Variants in LHX3 observed in about 807,000 individuals in gnomAD.
The protein encoded by LHX3 is LIM/homeobox protein Lhx3.
In LHX3, 21 loss-of-function variants were observed where a neutral mutation model predicts 32.4. The observed-to-expected ratio is 0.65, with a 90% CI of 0.46 to 0.93. The LOEUF is 0.93. LHX3 is among the 40% of genes least tolerant of loss of function. The pLI is 0.00. For synonymous variants in LHX3, 258 were observed against 246.8 expected (o/e 1.05, Z -0.43); for missense variants, 626 against 560.0 (o/e 1.12, Z -1.19).
intron 3 of LHX3, 72 bp downstream of exon 3, chr9:136,199,606 C>T (rs1362023618): frequency 1.3e-6 from 2 of 1,511,362 alleles, no homozygotes; most frequent in Non-Finnish European, 1.8e-6. Context: ...TCCCCGGACG[C>T]CCCCCTGGGC....
At chr9:136,199,651 G>A in intron 3 of LHX3, 27 bp downstream of exon 3, 16 of 1,610,638 alleles carry the variant, frequency 9.9e-6, no homozygotes, top group Non-Finnish European at 1.1e-5. Context: ...GACCAGGAAA[G>A]GTGGGAGCGT....
rs536168219 is a variant in LHX3, at chr9:136,197,122, G to C, written c.*203C>G. On this transcript the variant is annotated 3_prime_UTR_variant, in exon 6 of 6. Transcript: ENST00000371748. ...CTGGCTTGCTGGGAGGCCACCTGGC[G>C]GGCCAGCCCTGTGTCAGAGGAGGGG... is the stretch of plus-strand genomic sequence containing the variant. 1 of 603,700 alleles carries C rather than the reference G, an allele frequency of 1.7e-6. No homozygotes were observed. The highest frequency in any genetic ancestry group is 2.0e-5 in the South Asian group (1 of 49,728). The allele number at this position is 603,700 out of a possible 1,614,324, so 37.4% of individuals were successfully genotyped here.
Position 136,199,843 on chromosome 9 carries a change from T to C in LHX3, c.289A>G (p.Ile97Val). The change falls in exon 3 of 6, where the codon ATC (isoleucine) becomes GTC (valine). Residue 97 changes from isoleucine to valine, a missense_variant. Coordinates refer to ENST00000371748, the MANE Select transcript of LHX3 (RefSeq NM_178138.6). ...CGGCGCACCACCTGCGTGGGCGGGATGCCCAGCTGGCACGCGGCGCACTTG... is the reference window on the plus strand; with the variant it reads ...CGGCGCACCACCTGCGTGGGCGGGACGCCCAGCTGGCACGCGGCGCACTTG... Reference protein sequence around the residue: ...GTKCAACQLGIPPTQVVRRAQ... With the variant: ...GTKCAACQLGVPPTQVVRRAQ... 2 of 1,607,478 alleles carry C rather than the reference T, an allele frequency of 1.2e-6. No individual in the cohort carries two copies. The highest frequency in any genetic ancestry group is 8.5e-7 in the Non-Finnish European group (1 of 1,177,304).
At chr9:136,202,894 G>A (rs11103376) in intron 1 of LHX3, 10 of 1,519,414 alleles carry the variant, frequency 6.6e-6, no homozygotes, top group Non-Finnish European at 8.8e-6. Context: ...GCCCGGAAAG[G>A]CCTGAGGATC....
At position 136,199,111 on chromosome 9, in the gene LHX3, A is replaced by C. The variant is rs751030038; in HGVS notation, c.455-52T>G. 16 of 1,167,528 alleles carry C rather than the reference A, an allele frequency of 1.4e-5. No individual in the cohort carries two copies. In the Admixed American group the frequency reaches 6.9e-4, roughly 51 times the overall value. 72.3% of individuals were successfully genotyped at this position (1,167,528 alleles called of 1,614,324 possible). On this transcript the variant is annotated intron_variant, in intron 3 of 5. Transcript: ENST00000371748. ...CGGCAGCCCCTCCGGCCCCGGCCGG[A>C]CCCCCAGCCCTCCCACCCCGGCCGG...
Position 136,203,046 on chromosome 9 carries a change from C to T in LHX3, c.79+1888G>A, listed in dbSNP as rs1188545118. 31 of 1,517,252 alleles carry T rather than the reference C, an allele frequency of 2.0e-5. No homozygotes were observed. Among genetic ancestry groups the T allele is most frequent in the Non-Finnish European group, 2.5e-5 (28 of 1,139,710 alleles). The allele number at this position is 1,517,252 out of a possible 1,614,324, so 94.0% of individuals were successfully genotyped here. ...GCTCCCCGCGCGCCTCCATGGGTCC[C>T]GCCGCCCGGCGTCGCCACTCTCCAG... On this transcript the variant is annotated intron_variant, in intron 1 of 5. Transcript: ENST00000371748.
intron 5 of LHX3, 101 bp downstream of exon 5, chr9:136,198,551 C>A (rs959735247): frequency 7.5e-7 from 1 of 1,330,668 alleles, no homozygotes; most frequent in Non-Finnish European, 1.0e-6. Context: ...AAGGAGTCCA[C>A]TAACTCCATG....
rs1369303572 is a variant in LHX3 at position 136,198,724 on chromosome 9, G to A, written c.703C>T (p.Arg235Cys). Reference protein sequence around the residue: ...GQYFRNMKRSRGGSKSDKDSV... With the variant: ...GQYFRNMKRSCGGSKSDKDSV... ...TCCTTGTCCGACTTGGAGCCGCCGC[G>A]GGAGCGCTTCATGTTGCGGAAATAC... Residue 235 changes from arginine (R) to cysteine (C), a missense_variant, in exon 5 of 6, where the codon CGC becomes TGC. Transcript: ENST00000371748. The A allele has an allele frequency of 6.2e-7, 1 of 1,611,526 alleles. No homozygotes were observed. Among genetic ancestry groups the A allele is most frequent in the Admixed American group, 1.7e-5 (1 of 59,986 alleles).
At position 136,196,884 on chromosome 9, in the gene LHX3, G is replaced by T. The variant is rs1396712285; in HGVS notation, c.*441C>A. 1.0e-5 allele frequency: 2 copies of T among 192,200 alleles called. No individual in the cohort carries two copies. The highest frequency in any genetic ancestry group is 4.8e-5 in the African/African-American group (2 of 42,054). 11.9% of individuals were successfully genotyped at this position (192,200 alleles called of 1,614,324 possible). A position where few individuals can be genotyped will look rare whatever the true frequency, so the allele number is the denominator to read the frequency against. On this transcript the variant is annotated 3_prime_UTR_variant, in exon 6 of 6. Coordinates refer to ENST00000371748, the MANE Select transcript of LHX3 (RefSeq NM_178138.6). ...GGCCAATCTCCGACCTAAAGAGGGA[G>T]CCTCGGGGTGACGGCTCCAAGACAC...
At chr9:136,197,857 C>A in intron 5 of LHX3, 114 bp from the exon 6 acceptor site, 1 of 1,134,408 alleles carries the variant, frequency 8.8e-7, no homozygotes. Context: ...TGCCCCACAC[C>A]ACATGACAGG....
At chr9:136,201,347 C>A (rs896359480) in intron 1 of LHX3, 25 of 1,246,172 alleles carry the variant, frequency 2.0e-5, no homozygotes, top group Non-Finnish European at 2.5e-5. Flanking sequence ...ACTGGACAAG[C>A]CGATCCACTG....
rs1831533258 is a variant in LHX3, at chr9:136,197,743, T to A, written c.776A>T (p.Asp259Val). The change falls in exon 6 of 6, where the codon GAT (aspartate) becomes GTT (valine). Residue 259 changes from aspartate (D) to valine (V), a missense_variant and splice_region_variant. By Grantham distance (152) the Asp-to-Val change is radical. Coordinates refer to ENST00000371748, the MANE Select transcript of LHX3 (RefSeq NM_178138.6). ...GCCCATTTCCGCCAAGGAAGGCTCA[T>A]CTGCAACAGAAGCAGAGGCTCAGTC... ...QDSDAEVSFP[D>V]EPSLAEMGPA... 6.2e-7 allele frequency: 1 copy of A among 1,600,870 alleles called. No individual in the cohort carries two copies. The highest frequency in any genetic ancestry group is 1.7e-5 in the Admixed American group (1 of 59,976).
At position 136,198,723 on chromosome 9, in the gene LHX3, C is replaced by T; in HGVS notation, c.704G>A (p.Arg235His). Reference sequence around the variant, plus strand: ...GTCCTTGTCCGACTTGGAGCCGCCGCGGGAGCGCTTCATGTTGCGGAAATA... The same window carrying T: ...GTCCTTGTCCGACTTGGAGCCGCCGTGGGAGCGCTTCATGTTGCGGAAATA... ...GQYFRNMKRSRGGSKSDKDSV... is the reference protein window; with the variant it reads ...GQYFRNMKRSHGGSKSDKDSV... The change falls in exon 5 of 6, where the codon CGC becomes CAC. Residue 235 changes from arginine to histidine, a missense_variant. Physicochemically the swap from Arg to His is conservative, Grantham distance 29. Coordinates refer to ENST00000371748, the MANE Select transcript of LHX3 (RefSeq NM_178138.6). 2 of 1,611,594 alleles carry T rather than the reference C, an allele frequency of 1.2e-6. No individual in the cohort carries two copies. The highest frequency in any genetic ancestry group is 1.7e-6 in the Non-Finnish European group (2 of 1,179,812).
Position 136,197,512 on chromosome 9 carries a change from C to G in LHX3, c.1007G>C (p.Ser336Thr), listed in dbSNP as rs1397075056. The G allele has an allele frequency of 1.3e-6, 2 of 1,539,572 alleles. No individual in the cohort carries two copies. Among genetic ancestry groups the G allele is most frequent in the African/African-American group, 2.7e-5 (2 of 73,016 alleles). The change falls in exon 6 of 6, where the codon AGC becomes ACC. Residue 336 changes from serine (S) to threonine (T), a missense_variant. Physicochemically the swap from Ser to Thr is moderately conservative, Grantham distance 58. Coordinates refer to ENST00000371748, the MANE Select transcript of LHX3 (RefSeq NM_178138.6). Reference protein sequence around the residue: ...SLPGPQPLLSSLVYPDTSLGL... With the variant: ...SLPGPQPLLSTLVYPDTSLGL... ...CAAGCTGGTGTCTGGGTACACCAGG[C>G]TGGAGAGGAGGGGCTGGGGGCCAGG...
rs1303025967 is a variant in LHX3, at chr9:136,200,363, T to C, written c.251+219A>G. 6.6e-6 allele frequency: 4 copies of C among 603,324 alleles called. No individual in the cohort carries two copies. In the East Asian group the frequency reaches 1.1e-4, roughly 17 times the overall value. 37.4% of individuals were successfully genotyped at this position (603,324 alleles called of 1,614,324 possible). On this transcript the variant is annotated intron_variant, in intron 2 of 5. Transcript: ENST00000371748. Reference sequence around the variant, plus strand: ...GCTTTTTTTTCCAAATAATACTTGCTGATGTCCCAGCCAGGCCCAGCCACC... The same window carrying C: ...GCTTTTTTTTCCAAATAATACTTGCCGATGTCCCAGCCAGGCCCAGCCACC...
chr9:136,200,667 G>C lies in LHX3; in HGVS notation c.166C>G (p.Leu56Val). 1 of 1,613,660 alleles carries C rather than the reference G, an allele frequency of 6.2e-7. No homozygotes were observed. ...ALDRHWHSKC[L>V]KCSDCHTPLA... ...GGCGTGTGGCAGTCGCTGCACTTGA[G>C]ACACTTGCTGTGCCAGTGGCGGTCC... Residue 56 changes from leucine to valine, a missense_variant, in exon 2 of 6, where the codon CTC (leucine) becomes GTC (valine). Transcript: ENST00000371748.
intron 1 of LHX3, among the ~76,000 whole-genome samples, chr9:136,202,012 C>T (rs908360905): frequency 6.6e-6 from 1 of 152,030 alleles, no homozygotes; most frequent in African/African-American, 2.4e-5. Context: ...CCCGCGACCC[C>T]AGCCTTACGC....
At chr9:136,198,583 CCCTGGGA>C in intron 5 of LHX3, 62 bp downstream of exon 5, 6 of 1,506,708 alleles carry the variant, frequency 4.0e-6, no homozygotes, top group Non-Finnish European at 5.4e-6. Flanking sequence ...TCCGCGGGCT[CCCTGGGA>C]CCCCTGCGAC....
chr9:136,198,859 G>A, intron 4 of LHX3, 39 bp from the exon 5 acceptor site: 1 of 1,595,464 alleles, frequency 6.3e-7, no homozygotes, highest in Non-Finnish European at 8.5e-7. Context: ...CCGGCTCTGC[G>A]GGGGCCCCCA....
Sources: gnomAD v4.1 joint callset for allele counts (sites outside exome capture counted in the v4.1 genomes callset) on GRCh38, gnomAD v4.1.1 for gene constraint, MANE v1.5 for transcripts, NCBI Gene and HGNC (gene_info 2026-07-23, HGNC 2026-07-21) for gene names.